The following RBFOX1 variants were observed in gnomAD, a reference collection of about 807,000 sequenced individuals.
The protein encoded by RBFOX1 is RNA binding fox-1 homolog 1.
Under a neutral mutation model 57.7 loss-of-function variants are expected in RBFOX1, and 8 were observed. That is an observed-to-expected ratio of 0.14 (90% CI 0.08 to 0.25). The LOEUF (loss-of-function observed/expected upper bound fraction) is 0.25, where lower values mean the gene tolerates loss of function less well. Among genes scored for constraint, RBFOX1 ranks in the 10% least tolerant of loss-of-function variants. RBFOX1 has a pLI of 1.00. For synonymous variants in RBFOX1, 326 were observed against 222.4 expected (o/e 1.47, Z -4.15); for missense variants, 611 against 548.5 (o/e 1.11, Z -1.14).
intron 2 of RBFOX1, chr16:6,483,253 T>G: frequency 7.8e-7 from 1 of 1,276,058 alleles, no homozygotes. Flanking sequence ...GGCCTCCCTT[T>G]GTGCGCGCCC....
chr16:6,546,621 C>G (rs1411668422), intron 2 of RBFOX1, among the ~76,000 whole-genome samples: 2 of 152,336 alleles, frequency 1.3e-5, no homozygotes, highest in African/African-American at 2.4e-5. Flanking sequence ...GTCCACATTT[C>G]TCCTTCTTAT....
intron 1 of RBFOX1, among the ~76,000 whole-genome samples, chr16:6,041,755 G>A: frequency 6.6e-6 from 1 of 152,144 alleles, no homozygotes; most frequent in East Asian, 1.9e-4. Context: ...ACATCAATGG[G>A]CGATGATGCT....
chr16:6,348,150 T>A (rs538464418), intron 2 of RBFOX1, among the ~76,000 whole-genome samples: 5 of 152,166 alleles, frequency 3.3e-5, no homozygotes, highest in African/African-American at 1.2e-4. Flanking sequence ...TTGCTCTTGG[T>A]TTTGAGCACT....
At chr16:7,075,173 G>A (rs1243348987) in intron 4 of RBFOX1, among the ~76,000 whole-genome samples, 1 of 152,220 alleles carries the variant, frequency 6.6e-6, no homozygotes, top group Non-Finnish European at 1.5e-5. Flanking sequence ...TTGTTCTGTT[G>A]CATAGGTACA....
chr16:7,206,320 T>C (rs58149204), intron 4 of RBFOX1, among the ~76,000 whole-genome samples: 15,435 of 152,102 alleles, frequency 0.1, 860 homozygotes, highest in African/African-American at 0.11. Context: ...TTGTGTACCA[T>C]GCAATTGGTT....
intron 1 of RBFOX1, among the ~76,000 whole-genome samples, chr16:6,041,099 C>A (rs562063873): frequency 6.6e-6 from 1 of 152,274 alleles, no homozygotes; most frequent in South Asian, 2.1e-4. Flanking sequence ...TCCTGTACTT[C>A]ACTTATTCTT....
intron 12 of RBFOX1, among the ~76,000 whole-genome samples, chr16:7,662,333 G>T (rs1000676040): frequency 5.9e-5 from 9 of 152,108 alleles, no homozygotes; most frequent in African/African-American, 2.2e-4. Context: ...TCTGTTAATC[G>T]TATTTCTCCT....
intron 4 of RBFOX1, among the ~76,000 whole-genome samples, chr16:7,353,361 G>T (rs2097161058): frequency 6.6e-6 from 1 of 152,108 alleles, no homozygotes; most frequent in African/African-American, 2.4e-5. Context: ...TACATTGCTG[G>T]CAGGAATGTA....
intron 3 of RBFOX1, among the ~76,000 whole-genome samples, chr16:5,862,947 G>C (rs553494819): frequency 6.6e-6 from 1 of 152,206 alleles, no homozygotes; most frequent in Admixed American, 6.5e-5. Flanking sequence ...TCTTCCCTCT[G>C]TCCATTAACT....
chr16:7,090,522 A>T (rs976760737), intron 4 of RBFOX1, among the ~76,000 whole-genome samples: 8 of 152,192 alleles, frequency 5.3e-5, no homozygotes, highest in Non-Finnish European at 1.5e-5. Context: ...GTCCAATTAA[A>T]TAGTTACAGA....
intron 4 of RBFOX1, among the ~76,000 whole-genome samples, chr16:7,325,525 C>T (rs1162440909): frequency 6.6e-6 from 1 of 152,160 alleles, no homozygotes; most frequent in East Asian, 1.9e-4. Flanking sequence ...AAGAACTTCC[C>T]ATGGAACGGC....
intron 1 of RBFOX1, among the ~76,000 whole-genome samples, chr16:6,263,032 C>G (rs893648579): frequency 2.0e-5 from 3 of 152,096 alleles, no homozygotes; most frequent in Non-Finnish European, 4.4e-5. Flanking sequence ...TTAAAGTCAC[C>G]CACTCAAAGA....
intron 2 of RBFOX1, among the ~76,000 whole-genome samples, chr16:6,493,777 T>G (rs2095690842): frequency 6.6e-6 from 1 of 152,224 alleles, no homozygotes; most frequent in Non-Finnish European, 1.5e-5. Context: ...TCAGATTGCT[T>G]CAGAAACCTG....
intron 1 of RBFOX1, among the ~76,000 whole-genome samples, chr16:5,394,647 G>T (rs1003752446): frequency 1.4e-5 from 2 of 145,014 alleles, no homozygotes; most frequent in Non-Finnish European, 3.0e-5. Flanking sequence ...CTGCATTCTC[G>T]ACCTCCTGGG....
intron 1 of RBFOX1, among the ~76,000 whole-genome samples, chr16:5,242,328 C>G (rs1196413625): frequency 6.6e-6 from 1 of 152,172 alleles, no homozygotes; most frequent in East Asian, 1.9e-4. Context: ...ATCCTTGTTT[C>G]CTGAATCTGA....
At chr16:6,042,213 G>A (rs890449285) in intron 1 of RBFOX1, among the ~76,000 whole-genome samples, 2 of 151,234 alleles carry the variant, frequency 1.3e-5, no homozygotes, top group Admixed American at 6.6e-5. Flanking sequence ...TGGTTCTCCT[G>A]CCTCAGCCTC....
chr16:5,877,422 G>C (rs142169512), intron 4 of RBFOX1, among the ~76,000 whole-genome samples: 1 of 152,230 alleles, frequency 6.6e-6, no homozygotes, highest in Admixed American at 6.5e-5. Context: ...GTTCAAGGGG[G>C]AGAGTGAATA....
chr16:6,379,020 G>A (rs749945786), intron 2 of RBFOX1, among the ~76,000 whole-genome samples: 6 of 152,160 alleles, frequency 3.9e-5, no homozygotes, highest in Non-Finnish European at 7.3e-5. Context: ...CACGTGGGAG[G>A]TGAGGAGAAT....
At chr16:7,466,152 C>A (rs1437836569) in intron 4 of RBFOX1, among the ~76,000 whole-genome samples, 1 of 152,134 alleles carries the variant, frequency 6.6e-6, no homozygotes, top group African/African-American at 2.4e-5. Flanking sequence ...TCTGGGTCAG[C>A]AATAGGATTC....
Sources: allele counts gnomAD v4.1 joint callset (sites outside exome capture counted in the v4.1 genomes callset), GRCh38; gene constraint gnomAD v4.1.1; transcripts MANE v1.5; gene names NCBI Gene and HGNC (gene_info 2026-07-23, HGNC 2026-07-21).